Variants in HK1 observed in about 807,000 individuals in gnomAD.
HK1 encodes the protein hexokinase-1.
Under a neutral mutation model 91.6 loss-of-function variants are expected in HK1, and 28 were observed. The ratio of observed to expected loss-of-function variants is 0.31; its 90% confidence interval spans 0.23 to 0.42. HK1 has a LOEUF of 0.42. Among genes scored for constraint, HK1 ranks in the 10% least tolerant of loss-of-function variants. HK1 has a pLI of 1.00. For synonymous variants in HK1, 430 were observed against 468.1 expected, an observed-to-expected ratio of 0.92 and a Z score of 1.05; for missense variants, 770 against 1,219.8, an observed-to-expected ratio of 0.63 and a Z score of 5.49.
chr10:69,373,725 G>T (rs1850139518), intron 7 of HK1, among the ~76,000 whole-genome samples: 2 of 151,762 alleles, frequency 1.3e-5, no homozygotes, highest in Non-Finnish European at 2.9e-5. Flanking sequence ...TGAGTAGCTG[G>T]GACCACAGGC....
intron 2 of HK1, among the ~76,000 whole-genome samples, chr10:69,357,697 C>T (rs1031384082): frequency 1.3e-5 from 2 of 152,134 alleles, no homozygotes; most frequent in Non-Finnish European, 1.5e-5. Context: ...AAGCGATCCA[C>T]CTGCCTCAGC....
upstream of HK1, among the ~76,000 whole-genome samples, chr10:69,313,810 A>G (rs901398285): frequency 9.2e-5 from 14 of 152,154 alleles, no homozygotes; most frequent in African/African-American, 2.7e-4. Flanking sequence ...TTTTAAAGTG[A>G]AATTTCTTAA....
chr10:69,321,318 T>G (rs188189537), intron 1 of HK1, among the ~76,000 whole-genome samples: 208 of 152,356 alleles, frequency 1.4e-3, no homozygotes, highest in Middle Eastern at 3.4e-3. Context: ...TTTGCCCAAG[T>G]GTGCAGATGC....
intron 4 of HK1, among the ~76,000 whole-genome samples, chr10:69,365,620 G>A (rs187691258): frequency 3.2e-4 from 49 of 152,220 alleles, no homozygotes; most frequent in Middle Eastern, 6.8e-3. Flanking sequence ...GTTCATGCCT[G>A]TAATCCCAGC....
intron 3 of HK1, among the ~76,000 whole-genome samples, chr10:69,292,854 A>G (rs998218882): frequency 1.3e-5 from 2 of 152,130 alleles, no homozygotes; most frequent in Non-Finnish European, 2.9e-5. Context: ...AGGCGTCACC[A>G]ATATACTTGA....
At chr10:69,348,289 T>C (rs1848672079) in intron 2 of HK1, among the ~76,000 whole-genome samples, 1 of 151,864 alleles carries the variant, frequency 6.6e-6, no homozygotes, top group Non-Finnish European at 1.5e-5. Context: ...CACGGTTGTT[T>C]TGGGGCCCTA....
At chr10:69,384,536 G>A in intron 11 of HK1, 55 bp downstream of exon 11, 2 of 1,609,306 alleles carry the variant, frequency 1.2e-6, no homozygotes, top group East Asian at 2.2e-5. Flanking sequence ...AGTGGCACCG[G>A]CAGTCACGTG....
At chr10:69,352,764 T>C (rs895531824) in intron 2 of HK1, among the ~76,000 whole-genome samples, 3 of 152,058 alleles carry the variant, frequency 2.0e-5, no homozygotes, top group African/African-American at 2.4e-5. Context: ...GGAATTTCTT[T>C]TGGGATGATG....
chr10:69,328,830 C>T (rs1415807176), intron 1 of HK1, among the ~76,000 whole-genome samples: 3 of 152,172 alleles, frequency 2.0e-5, no homozygotes, highest in African/African-American at 7.2e-5. Context: ...CTGGCAACCA[C>T]TATCTACCTT....
At chr10:69,333,948 TAA>T (rs373633798) in intron 1 of HK1, among the ~76,000 whole-genome samples, 1 of 152,012 alleles carries the variant, frequency 6.6e-6, no homozygotes, top group African/African-American at 2.4e-5. Context: ...GTGTCTCTAC[TAA>T]AAATACAAAA....
chr10:69,316,151 G>A, upstream of HK1: 1 of 796,084 alleles, frequency 1.3e-6, no homozygotes. Context: ...GGACATGGTG[G>A]GGGCAGAGGA....
chr10:69,358,167 A>G (rs901445976), intron 2 of HK1, among the ~76,000 whole-genome samples: 6 of 152,272 alleles, frequency 3.9e-5, no homozygotes, highest in Non-Finnish European at 5.9e-5. Context: ...GGCGTGGTAG[A>G]TATTAGGACA....
At chr10:69,383,088 G>A (rs1220295120) in intron 10 of HK1, among the ~76,000 whole-genome samples, 1 of 152,162 alleles carries the variant, frequency 6.6e-6, no homozygotes, top group Non-Finnish European at 1.5e-5. Flanking sequence ...CTGTCATCCA[G>A]CTACTTAAGA....
At chr10:69,293,559 AATCTCTT>A (rs1444702184) in intron 3 of HK1, among the ~76,000 whole-genome samples, 1 of 152,186 alleles carries the variant, frequency 6.6e-6, no homozygotes, top group Admixed American at 6.5e-5. Context: ...TTAAAACAAT[AATCTCTT>A]ATTTACCGGC....
chr10:69,387,085 C>G (rs886315639), intron 13 of HK1, among the ~76,000 whole-genome samples: 1 of 152,042 alleles, frequency 6.6e-6, no homozygotes. Flanking sequence ...CAAACAATTG[C>G]AGAGCAGAAA....
rs183880802 is a variant in HK1, at chr10:69,297,855, C to T, written c.-67+2175C>T. Among the ~76,000 whole-genome samples, 38 of 148,560 alleles carry T rather than the reference C, an allele frequency of 2.6e-4. 1 individual carries two copies. Among genetic ancestry groups the T allele is most frequent in the African/African-American group, 9.3e-4 (37 of 39,676 alleles). ...AGGTTGCAGTGAGCTGAGATCCTGC[C>T]ACTGCACTCCAGCTTGGGCCACAGA... On this transcript the variant is annotated intron_variant, in intron 4 of 21. Coordinates refer to the HK1 transcript ENST00000360289.
intron 1 of HK1, among the ~76,000 whole-genome samples, chr10:69,334,301 A>G (rs1026749489): frequency 1.3e-5 from 2 of 152,078 alleles, no homozygotes; most frequent in African/African-American, 4.8e-5. Context: ...TTTGGTGATG[A>G]TCTCACACAG....
At chr10:69,279,256 T>A (rs1844619093) in intron 1 of HK1, among the ~76,000 whole-genome samples, 1 of 152,208 alleles carries the variant, frequency 6.6e-6, no homozygotes, top group African/African-American at 2.4e-5. Context: ...GCTAATCCTC[T>A]CTCTGCCCTC....
intron 2 of HK1, among the ~76,000 whole-genome samples, chr10:69,352,966 A>G (rs1156579030): frequency 1.3e-5 from 2 of 152,228 alleles, no homozygotes; most frequent in Admixed American, 6.5e-5. Flanking sequence ...CTCTGCCCCT[A>G]GTCTCTAGCA....
Sources: gnomAD v4.1 joint callset for allele counts (sites outside exome capture counted in the v4.1 genomes callset) on GRCh38, gnomAD v4.1.1 for gene constraint, MANE v1.5 for transcripts, NCBI Gene and HGNC (gene_info 2026-07-23, HGNC 2026-07-21) for gene names.